Variants in RAB38 observed in about 807,000 individuals in gnomAD.
RAB38 encodes ras-related protein Rab-38.
RAB38 carries 15 observed loss-of-function variants against 18.4 expected under a neutral mutation model. The observed-to-expected ratio is 0.82, with a 90% confidence interval of 0.55 to 1.26. RAB38 has a LOEUF of 1.26. Ranked by LOEUF, RAB38 falls within the 50% of genes most tolerant of loss-of-function variation. The probability of loss-of-function intolerance (pLI) is 0.00; values close to 1 mark genes in which losing one functional copy is unlikely to be tolerated. For missense variants in RAB38, 294 were observed against 267.4 expected, an observed-to-expected ratio of 1.10 and a Z score of -0.69; for synonymous variants, 101 against 104.4, an observed-to-expected ratio of 0.97 and a Z score of 0.20.
chr11:87,937,498 T>G, the RAB38 span, among the ~76,000 whole-genome samples: 1 of 151,766 alleles, frequency 6.6e-6, no homozygotes, highest in Admixed American at 6.6e-5. Flanking sequence ...TTCTATTTTC[T>G]GGAAGACATT....
chr11:88,008,836 G>T, the RAB38 span, among the ~76,000 whole-genome samples: 3 of 152,122 alleles, frequency 2.0e-5, no homozygotes, highest in Non-Finnish European at 4.4e-5. Flanking sequence ...ACCACGCCCG[G>T]CTAATTTTTG....
chr11:87,976,761 T>A, the RAB38 span, among the ~76,000 whole-genome samples: 1 of 117,728 alleles, frequency 8.5e-6, no homozygotes, highest in Non-Finnish European at 1.6e-5. Context: ...TATATATATT[T>A]CACATAATAT....
the RAB38 span, among the ~76,000 whole-genome samples, chr11:87,846,319 A>G: frequency 6.6e-6 from 1 of 152,062 alleles, no homozygotes; most frequent in Admixed American, 6.6e-5. Context: ...GTGGATAAAA[A>G]CAAGACTTAA....
At chr11:88,072,742 C>T in the RAB38 span, among the ~76,000 whole-genome samples, 1 of 151,918 alleles carries the variant, frequency 6.6e-6, no homozygotes, top group South Asian at 2.1e-4. Context: ...TAGCAGTATA[C>T]ACTTACATTA....
the RAB38 span, among the ~76,000 whole-genome samples, chr11:88,100,404 T>C: frequency 2.6e-5 from 4 of 151,894 alleles, no homozygotes; most frequent in Non-Finnish European, 2.9e-5. Flanking sequence ...TGTGGAACTG[T>C]AAAACTGTAA....
chr11:88,022,043 CA>C, the RAB38 span, among the ~76,000 whole-genome samples: 3 of 151,352 alleles, frequency 2.0e-5, no homozygotes, highest in South Asian at 6.3e-4. Flanking sequence ...AAAGACACAT[CA>C]AAAAAAGAAA....
the RAB38 span, among the ~76,000 whole-genome samples, chr11:87,949,511 T>A: frequency 6.6e-6 from 1 of 152,232 alleles, no homozygotes; most frequent in African/African-American, 2.4e-5. Context: ...TTTCCTGCTT[T>A]CTCTTGTGGG....
At chr11:88,173,968 G>A in intron 1 of RAB38, 2 of 985,382 alleles carry the variant, frequency 2.0e-6, no homozygotes, top group Non-Finnish European at 2.4e-6. Context: ...CCAATCAAAT[G>A]CATCAGCTAA....
At chr11:88,091,828 C>G in the RAB38 span, among the ~76,000 whole-genome samples, 124 of 152,012 alleles carry the variant, frequency 8.2e-4, no homozygotes, top group Non-Finnish European at 1.3e-3. Context: ...TCTTTATGGT[C>G]AGCTAACTCA....
At chr11:87,900,799 TAAG>T in the RAB38 span, among the ~76,000 whole-genome samples, 114 of 142,054 alleles carry the variant, frequency 8.0e-4, no homozygotes, top group African/African-American at 2.7e-3. Context: ...TACAAAAAGA[TAAG>T]AAATAAAGCA....
the RAB38 span, among the ~76,000 whole-genome samples, chr11:88,069,556 C>T: frequency 3.1e-3 from 466 of 152,310 alleles, 10 homozygotes; most frequent in East Asian, 0.042. Flanking sequence ...GCCGGAGGAT[C>T]GTATATGCAC....
chr11:87,937,870 G>GTTTTTTTTTTTTTTTTTTTTTTTTATGTT, the RAB38 span, among the ~76,000 whole-genome samples: 1 of 92,026 alleles, frequency 1.1e-5, no homozygotes, highest in Non-Finnish European at 2.3e-5. Flanking sequence ...TCATTGAAGT[G>GTTTTTTTTTTTTTTTTTTTTTTTTATGTT]TTTTTTTTTT....
chr11:87,946,318 T>G, the RAB38 span, among the ~76,000 whole-genome samples: 1 of 152,226 alleles, frequency 6.6e-6, no homozygotes, highest in South Asian at 2.1e-4. Context: ...AGGTCTTCCT[T>G]GATGTATGAG....
chr11:88,028,197 A>C, the RAB38 span, among the ~76,000 whole-genome samples: 2 of 152,242 alleles, frequency 1.3e-5, no homozygotes, highest in Admixed American at 6.5e-5. Flanking sequence ...ACTAACAAAA[A>C]GAAAGGACAT....
At chr11:87,845,540 G>A in the RAB38 span, among the ~76,000 whole-genome samples, 5 of 152,128 alleles carry the variant, frequency 3.3e-5, no homozygotes, top group South Asian at 6.2e-4. Context: ...CCTCTGGTAC[G>A]TAGGGGATGA....
the RAB38 span, among the ~76,000 whole-genome samples, chr11:88,015,556 T>C: frequency 1.3e-5 from 2 of 152,260 alleles, no homozygotes; most frequent in East Asian, 3.9e-4. Flanking sequence ...GGGTTCAGGA[T>C]ATGGAAATGT....
chr11:88,122,101 A>AG (rs1942638328), intron 2 of RAB38, among the ~76,000 whole-genome samples: 2 of 152,118 alleles, frequency 1.3e-5, no homozygotes, highest in South Asian at 4.1e-4. Flanking sequence ...AAATAATCTG[A>AG]GTTCAACATC....
At chr11:87,817,390 T>A in the RAB38 span, 1 of 152,166 alleles carries the variant, frequency 6.6e-6, no homozygotes, top group South Asian at 2.1e-4. Context: ...CCTGTAGTTT[T>A]ATAGATTAAA....
At chr11:88,158,554 C>A (rs1236730324) in intron 1 of RAB38, among the ~76,000 whole-genome samples, 2 of 152,034 alleles carry the variant, frequency 1.3e-5, no homozygotes, top group Non-Finnish European at 2.9e-5. Flanking sequence ...AATCCAACAG[C>A]ACATGAAAAA....
Sources: allele counts gnomAD v4.1 joint callset (sites outside exome capture counted in the v4.1 genomes callset), GRCh38; gene constraint gnomAD v4.1.1; transcripts MANE v1.5; gene names NCBI Gene and HGNC (gene_info 2026-07-23, HGNC 2026-07-21).